The following SH3RF1 variants were observed in gnomAD, a reference collection of about 807,000 sequenced individuals.
SH3RF1 encodes SH3 domain containing ring finger 1.
A neutral mutation model predicts 74.0 loss-of-function variants in SH3RF1; 32 were observed. That is an observed-to-expected ratio of 0.43 (90% CI 0.33 to 0.58). The LOEUF (loss-of-function observed/expected upper bound fraction) is 0.58. Ranked by LOEUF, SH3RF1 falls within the 20% of genes least tolerant of loss-of-function variation. SH3RF1 has a pLI of 0.05. For missense variants in SH3RF1, 954 were observed against 1,130.9 expected, an observed-to-expected ratio of 0.84 and a Z score of 2.24; for synonymous variants, 396 against 439.6, an observed-to-expected ratio of 0.90 and a Z score of 1.24.
intron 10 of SH3RF1, among the ~76,000 whole-genome samples, chr4:169,112,553 C>T (rs565766662): frequency 6.6e-6 from 1 of 152,296 alleles, no homozygotes; most frequent in African/African-American, 2.4e-5. Context: ...AAATGAAATT[C>T]TAACCATACA....
chr4:169,140,067 G>C (rs1733759714), intron 4 of SH3RF1, among the ~76,000 whole-genome samples: 1 of 152,084 alleles, frequency 6.6e-6, no homozygotes. Context: ...AAAATTACTT[G>C]AGATTTCTTC....
intron 2 of SH3RF1, among the ~76,000 whole-genome samples, chr4:169,157,305 C>G (rs961693166): frequency 2.0e-5 from 3 of 152,176 alleles, no homozygotes; most frequent in Admixed American, 6.5e-5. Context: ...TACCTGCCAT[C>G]CCCAAGTTTA....
intron 2 of SH3RF1, among the ~76,000 whole-genome samples, chr4:169,161,261 C>G (rs1475045094): frequency 1.3e-5 from 2 of 152,206 alleles, no homozygotes; most frequent in African/African-American, 2.4e-5. Context: ...TACAGTAATT[C>G]TGCATCTAAA....
Position 169,117,556 on chromosome 4 carries a change from T to C in SH3RF1, c.1744A>G (p.Thr582Ala). The C allele has an allele frequency of 6.2e-7, 1 of 1,614,252 alleles. No homozygotes were observed. The highest frequency in any genetic ancestry group is 8.5e-7 in the Non-Finnish European group (1 of 1,180,044). ...KVLLHMTGQM[T>A]VNQARNAVRT... is the part of the protein sequence containing the mutation. ...ACAGCATTGCGGGCCTGGTTGACTG[T>C]CATTTGCCCCGTCATGTGCAACAAG... is the stretch of plus-strand genomic sequence containing the variant. Residue 582 changes from threonine (T) to alanine (A), a missense_variant, in exon 9 of 12, where the codon ACA (threonine) becomes GCA (alanine). Coordinates refer to ENST00000284637, the MANE Select transcript of SH3RF1 (RefSeq NM_020870.4).
intron 10 of SH3RF1, among the ~76,000 whole-genome samples, chr4:169,111,326 C>T (rs1733241958): frequency 6.7e-6 from 1 of 150,044 alleles, no homozygotes; most frequent in Admixed American, 6.6e-5. Context: ...ATTAACATAG[C>T]TCACTGTAGC....
chr4:169,139,904 T>C (rs75902603), intron 4 of SH3RF1, among the ~76,000 whole-genome samples: 1,675 of 152,338 alleles, frequency 0.011, 12 homozygotes, highest in Non-Finnish European at 0.015. Flanking sequence ...CTCTTTTAGC[T>C]CTCCACATGT....
chr4:169,197,675 T>A (rs1266668311), intron 2 of SH3RF1, among the ~76,000 whole-genome samples: 1 of 151,874 alleles, frequency 6.6e-6, no homozygotes. Flanking sequence ...TTGTTATATG[T>A]CTTATAAAAC....
chr4:169,132,122 T>A (rs1417869232), intron 5 of SH3RF1, among the ~76,000 whole-genome samples: 2 of 152,226 alleles, frequency 1.3e-5, no homozygotes, highest in Non-Finnish European at 2.9e-5. Context: ...TTTGTCCAAT[T>A]CTTTGTTCAA....
chr4:169,224,377 G>A (rs1730621904), intron 2 of SH3RF1, among the ~76,000 whole-genome samples: 1 of 151,614 alleles, frequency 6.6e-6, no homozygotes, highest in Non-Finnish European at 1.5e-5. Flanking sequence ...GAGTGCAATG[G>A]TGCGATCTTG....
At chr4:169,104,651 C>G (rs184757218) in intron 11 of SH3RF1, among the ~76,000 whole-genome samples, 3 of 152,228 alleles carry the variant, frequency 2.0e-5, no homozygotes, top group African/African-American at 7.2e-5. Flanking sequence ...CCTGTAATCC[C>G]AGCACTTTGA....
chr4:169,187,670 G>A (rs1359232151), intron 2 of SH3RF1, among the ~76,000 whole-genome samples: 1 of 151,902 alleles, frequency 6.6e-6, no homozygotes. Flanking sequence ...ATCTGACCAG[G>A]CAACTGCAAT....
intron 2 of SH3RF1, among the ~76,000 whole-genome samples, chr4:169,198,650 T>A (rs67725542): frequency 0.11 from 17,199 of 152,090 alleles, 1,003 homozygotes; most frequent in Middle Eastern, 0.16. Flanking sequence ...CATGTATACA[T>A]AAGTATATTA....
chr4:169,097,009 G>C (rs1011938752), intron 11 of SH3RF1, among the ~76,000 whole-genome samples: 1 of 152,146 alleles, frequency 6.6e-6, no homozygotes, highest in Non-Finnish European at 1.5e-5. Flanking sequence ...TTTCCCGAGA[G>C]GGGTATCATT....
chr4:169,156,432 G>C lies in SH3RF1; in HGVS notation c.641C>G (p.Ala214Gly). Residue 214 changes from alanine (A) to glycine (G), a missense_variant, in exon 3 of 12, where the codon GCA becomes GGA. Physicochemically the swap from Ala to Gly is moderately conservative, Grantham distance 60. Transcript: ENST00000284637. ...TGCAAATGGAAGGCAATCTTTGTCT[G>C]CTTCCTTGTCTTTCACTTCAAAGTC... ...LYDFEVKDKEADKDCLPFAKD... is the reference protein window; with the variant it reads ...LYDFEVKDKEGDKDCLPFAKD... The C allele has an allele frequency of 6.3e-7, 1 of 1,597,476 alleles. No individual in the cohort carries two copies. Among genetic ancestry groups the C allele is most frequent in the South Asian group, 1.1e-5 (1 of 89,568 alleles).
chr4:169,265,685 G>A, intron 2 of SH3RF1, among the ~76,000 whole-genome samples: 1 of 152,024 alleles, frequency 6.6e-6, no homozygotes, highest in East Asian at 1.9e-4. Flanking sequence ...GTTGACCATG[G>A]TGGTCTGGAA....
chr4:169,157,895 T>C (rs932051563), intron 2 of SH3RF1, among the ~76,000 whole-genome samples: 17 of 149,978 alleles, frequency 1.1e-4, no homozygotes, highest in Admixed American at 9.9e-4. Flanking sequence ...CAAGCACCAC[T>C]ATGTCTGGCT....
At chr4:169,189,868 A>G (rs1423088181) in intron 2 of SH3RF1, among the ~76,000 whole-genome samples, 1 of 152,214 alleles carries the variant, frequency 6.6e-6, no homozygotes, top group East Asian at 1.9e-4. Context: ...ATGAAATTAT[A>G]TCAAGCACTC....
intron 2 of SH3RF1, among the ~76,000 whole-genome samples, chr4:169,243,042 A>G (rs567022857): frequency 6.6e-6 from 1 of 152,362 alleles, no homozygotes; most frequent in Non-Finnish European, 1.5e-5. Flanking sequence ...ACTCATTTCC[A>G]AGACAGCTGT....
At chr4:169,260,013 C>T (rs1366091443) in intron 2 of SH3RF1, among the ~76,000 whole-genome samples, 2 of 152,186 alleles carry the variant, frequency 1.3e-5, no homozygotes, top group East Asian at 3.9e-4. Context: ...AAGCAATATA[C>T]TAGAGAGGGG....
Sources: gnomAD v4.1 joint callset for allele counts (sites outside exome capture counted in the v4.1 genomes callset) on GRCh38, gnomAD v4.1.1 for gene constraint, MANE v1.5 for transcripts, NCBI Gene and HGNC (gene_info 2026-07-23, HGNC 2026-07-21) for gene names.